CUL2: variants seen among roughly 807,000 people sequenced by gnomAD.
CUL2 encodes cullin 2.
A neutral mutation model predicts 110.2 loss-of-function variants in CUL2; 22 were observed. The ratio of observed to expected loss-of-function variants is 0.20; its 90% CI spans 0.14 to 0.28. The LOEUF (loss-of-function observed/expected upper bound fraction) is 0.28. Ranked by LOEUF, CUL2 falls within the 10% of genes least tolerant of loss-of-function variation. CUL2 has a pLI of 1.00. For synonymous variants in CUL2, 279 were observed against 293.2 expected (o/e 0.95, Z 0.49); for missense variants, 631 against 905.5 (o/e 0.70, Z 3.89).
intron 2 of CUL2, among the ~76,000 whole-genome samples, chr10:35,096,065 T>C (rs901496358): frequency 6.7e-6 from 1 of 150,170 alleles, no homozygotes; most frequent in Non-Finnish European, 1.5e-5. Flanking sequence ...CTGGCCAATA[T>C]GGTCAGACCC....
At position 35,089,319 on chromosome 10, in the gene CUL2, T is replaced by C. The variant is rs185057498; in HGVS notation, c.-23+860A>G. On this transcript the variant is annotated intron_variant, in intron 1 of 20. Transcript: ENST00000374749. ...AAAAGGAATGTAAGATTCTAAAGGGTAGGCAACAGTGTTTTGAATGTTTTT... is the reference window on the plus strand; with the variant it reads ...AAAAGGAATGTAAGATTCTAAAGGGCAGGCAACAGTGTTTTGAATGTTTTT... Among the ~76,000 whole-genome samples the C allele has an allele frequency of 3.9e-5, 6 of 152,326 alleles. No homozygotes were observed. The East Asian group carries it at 1.2e-3, about 29-fold the overall frequency.
intron 6 of CUL2, among the ~76,000 whole-genome samples, chr10:35,046,567 G>A (rs920718440): frequency 1.3e-5 from 2 of 152,140 alleles, no homozygotes; most frequent in African/African-American, 4.8e-5. Flanking sequence ...GGTCACCTAA[G>A]GATGACAGCA....
At chr10:35,100,715 T>C (rs2087364517) in intron 2 of CUL2, 1 of 120,236 alleles carries the variant, frequency 8.3e-6, no homozygotes, top group African/African-American at 3.4e-5. Flanking sequence ...TGAGTCAAGA[T>C]AGCACCACTG....
chr10:35,035,442 C>T (rs1185694696), intron 9 of CUL2, 146 bp from the exon 10 acceptor site: 11 of 704,310 alleles, frequency 1.6e-5, no homozygotes, highest in Non-Finnish European at 2.6e-5. Context: ...CCCAGCCACC[C>T]AAGCCCCTCT....
intron 17 of CUL2, among the ~76,000 whole-genome samples, chr10:35,024,242 A>G (rs1480103203): frequency 6.6e-6 from 1 of 152,192 alleles, no homozygotes; most frequent in Non-Finnish European, 1.5e-5. Flanking sequence ...CTCAGTAAAG[A>G]TCGACTTATA....
chr10:35,032,274 T>C (rs921542832), intron 12 of CUL2, among the ~76,000 whole-genome samples, 161 bp downstream of exon 12: 3 of 152,244 alleles, frequency 2.0e-5, no homozygotes, highest in African/African-American at 7.2e-5. Context: ...ACATAGTATA[T>C]TGCATTCCTT....
intron 2 of CUL2, chr10:35,064,030 A>C (rs1046295592): frequency 6.6e-6 from 1 of 152,188 alleles, no homozygotes; most frequent in African/African-American, 2.4e-5. Flanking sequence ...CCTGGTGGTT[A>C]TACTCCAGAC....
intron 8 of CUL2, among the ~76,000 whole-genome samples, chr10:35,039,604 C>A (rs889188847): frequency 1.3e-5 from 2 of 152,208 alleles, no homozygotes; most frequent in African/African-American, 4.8e-5. Context: ...GTGGCTCACA[C>A]CTGTAATCCC....
upstream of CUL2, among the ~76,000 whole-genome samples, chr10:35,094,321 C>T (rs1042613606): frequency 5.9e-5 from 9 of 152,090 alleles, no homozygotes; most frequent in East Asian, 5.8e-4. Flanking sequence ...CTGCAACCTC[C>T]GCCTCCCAGG....
chr10:35,044,051 CAAAAAAA>C (rs534515519), intron 8 of CUL2, among the ~76,000 whole-genome samples: 18,326 of 88,408 alleles, frequency 0.21, 1,477 homozygotes, highest in Middle Eastern at 0.33. Context: ...ACCACATCTC[CAAAAAAA>C]AAAAAAAAAA....
rs1170796355 is a variant in CUL2 at position 35,034,311 on chromosome 10, TA to T, written c.1002+860del. ...AATAGAGTAATAAACCTGAATACTA[TA>T]AACTAATAGTTCTACAAAAAATAGA... On this transcript the variant is annotated intron_variant, in intron 10 of 20. Coordinates refer to ENST00000374749, the MANE Select transcript of CUL2 (RefSeq NM_003591.4). 1.6e-4 allele frequency among the ~76,000 whole-genome samples: 24 copies of T among 152,300 alleles called. No individual in the cohort carries two copies. The South Asian group carries it at 2.5e-3, about 16-fold the overall frequency.
intron 1 of CUL2, among the ~76,000 whole-genome samples, chr10:35,112,392 A>G (rs546347756): frequency 1.3e-5 from 2 of 152,324 alleles, no homozygotes; most frequent in Admixed American, 6.5e-5. Context: ...GACTCCTACA[A>G]TTGAGCCAGC....
intron 1 of CUL2, among the ~76,000 whole-genome samples, chr10:35,081,912 C>G (rs571862158): frequency 6.6e-6 from 1 of 152,114 alleles, no homozygotes; most frequent in Non-Finnish European, 1.5e-5. Context: ...ATAGAAGACA[C>G]AGGCATGGAA....
At chr10:35,044,051 CAAAAAAAAAAAA>C (rs534515519) in intron 8 of CUL2, among the ~76,000 whole-genome samples, 3,836 of 87,966 alleles carry the variant, frequency 0.044, 221 homozygotes, top group African/African-American at 0.16. Flanking sequence ...ACCACATCTC[CAAAAAAAAAAAA>C]AAAAAAAAAA....
chr10:35,071,108 G>C (rs2086665746), intron 2 of CUL2, 91 bp downstream of exon 2: 3 of 1,263,046 alleles, frequency 2.4e-6, no homozygotes, highest in Non-Finnish European at 3.4e-6. Context: ...TAGTTACATG[G>C]GAAAGTTCTT....
intron 8 of CUL2, among the ~76,000 whole-genome samples, chr10:35,041,705 T>G (rs1056063159): frequency 6.6e-6 from 1 of 152,092 alleles, no homozygotes; most frequent in Non-Finnish European, 1.5e-5. Flanking sequence ...TGTGGCTAGT[T>G]TTTTAATTTT....
rs150036414 is a variant in CUL2 at position 35,054,515 on chromosome 10, T to G, written c.342A>C (p.Lys114Asn). The G allele has an allele frequency of 2.5e-6, 4 of 1,592,150 alleles. No individual in the cohort carries two copies. Among genetic ancestry groups the G allele is most frequent in the Non-Finnish European group, 3.4e-6 (4 of 1,168,242 alleles). The change falls in exon 5 of 21, where the codon AAA becomes AAC. Residue 114 changes from lysine to asparagine, a missense_variant. Physicochemically the swap from Lys to Asn is moderately conservative, Grantham distance 94. Around this residue, in one of 3 missense-constraint regions of CUL2, gnomAD observed 338 missense variants for 442.5 expected, o/e 0.76. Coordinates refer to ENST00000374749, the MANE Select transcript of CUL2 (RefSeq NM_003591.4). The stretch of plus-strand genomic sequence containing the variant: ...GGTCCGCTTCTGTTAATTTATTCTT[T>G]TTAATAAACTGGGTGTTGAGATACC... ...LYRYLNTQFI[K>N]KNKLTEADLQ...
At chr10:35,079,683 C>T (rs2086901105) in intron 1 of CUL2, 1 of 154,786 alleles carries the variant, frequency 6.5e-6, no homozygotes, top group Non-Finnish European at 1.5e-5. Context: ...GACCTGCTTA[C>T]AGTAGGTCTT....
intron 8 of CUL2, among the ~76,000 whole-genome samples, chr10:35,043,217 CAT>C (rs1246507985): frequency 1.3e-5 from 2 of 152,126 alleles, no homozygotes; most frequent in African/African-American, 4.8e-5. Context: ...TTGCCAGTGG[CAT>C]ATTTTTGACA....
Sources: allele counts gnomAD v4.1 joint callset (sites outside exome capture counted in the v4.1 genomes callset), GRCh38; gene constraint gnomAD v4.1.1; regional missense constraint gnomAD v4.1.1; transcripts MANE v1.5; gene names NCBI Gene and HGNC (gene_info 2026-07-23, HGNC 2026-07-21).